PKNOX2: variants seen among roughly 807,000 people sequenced by gnomAD.
PKNOX2 encodes the protein PBX/knotted 1 homeobox 2, also known as homeobox protein PKNOX2.
Under a neutral mutation model 53.1 loss-of-function variants are expected in PKNOX2, and 14 were observed. The observed-to-expected ratio is 0.26, with a 90% CI of 0.17 to 0.41. The LOEUF (loss-of-function observed/expected upper bound fraction) is 0.41, where lower values mean the gene tolerates loss of function less well. Among genes scored for constraint, PKNOX2 ranks in the 10% least tolerant of loss-of-function variants. The probability of loss-of-function intolerance (pLI) is 1.00; values close to 1 mark genes in which losing one functional copy is unlikely to be tolerated. For missense variants in PKNOX2, 496 were observed against 602.8 expected (o/e 0.82, Z 1.85); for synonymous variants, 257 against 242.8 (o/e 1.06, Z -0.54).
chr11:125,310,955 AT>A (rs1005369001), intron 2 of PKNOX2, among the ~76,000 whole-genome samples: 184 of 151,526 alleles, frequency 1.2e-3, no homozygotes, highest in Non-Finnish European at 1.7e-3. Flanking sequence ...TCAATCCCTA[AT>A]TTTTTTTTCT....
rs370580799 is a variant in PKNOX2, at chr11:125,422,127, G to A, written c.937-6885G>A. 3.3e-4 allele frequency among the ~76,000 whole-genome samples: 50 copies of A among 152,222 alleles called. No individual in the cohort carries two copies. The highest frequency in any genetic ancestry group is 5.2e-4 in the Admixed American group (8 of 15,292). On this transcript the variant is annotated intron_variant, in intron 10 of 12. Transcript: ENST00000298282. This position sits in a 1 kb window ranked among gnomAD's most constrained non-coding sequence, Gnocchi z 4.1. The stretch of plus-strand genomic sequence containing the variant: ...ATAATCATCAATGCCCCTATGATTC[G>A]TATTGGCCACAGGGAGTGACCCCTC...
At chr11:125,271,660 C>T (rs1052920700) in intron 2 of PKNOX2, among the ~76,000 whole-genome samples, 3 of 152,062 alleles carry the variant, frequency 2.0e-5, no homozygotes, top group Non-Finnish European at 4.4e-5. Flanking sequence ...CAATGTGTGT[C>T]CTGTCATGAA....
intron 4 of PKNOX2, among the ~76,000 whole-genome samples, chr11:125,356,081 CA>C (rs1272584902): frequency 6.7e-6 from 1 of 148,978 alleles, no homozygotes; most frequent in Non-Finnish European, 1.5e-5. Flanking sequence ...TACTGTTCCA[CA>C]AATATCTTTG....
At position 125,364,712 on chromosome 11, in the gene PKNOX2, C is replaced by T. The variant is rs1952094825; in HGVS notation, c.88-3134C>T. Among the ~76,000 whole-genome samples, 3 of 152,230 alleles carry T rather than the reference C, an allele frequency of 2.0e-5. No individual in the cohort carries two copies. The South Asian group carries it at 6.2e-4, about 32-fold the overall frequency. The stretch of plus-strand genomic sequence containing the variant: ...TCGTGTTTAATAATAACAACCTCTC[C>T]TCCATCTGTGAAGCGCTCTAGAGTT... On this transcript the variant is annotated intron_variant, in intron 4 of 12. Transcript: ENST00000298282.
chr11:125,206,655 C>T (rs1939153361), intron 1 of PKNOX2, among the ~76,000 whole-genome samples: 3 of 152,042 alleles, frequency 2.0e-5, no homozygotes, highest in Admixed American at 2.0e-4. Context: ...TCTCTTGGTG[C>T]CTCAATTTCC....
At chr11:125,295,606 G>A (rs985814111) in intron 2 of PKNOX2, among the ~76,000 whole-genome samples, 1 of 152,234 alleles carries the variant, frequency 6.6e-6, no homozygotes, top group African/African-American at 2.4e-5. Context: ...AAGCAGCAAG[G>A]AAGCTTGGGG....
chr11:125,375,013 G>C (rs891876067), intron 5 of PKNOX2, among the ~76,000 whole-genome samples: 1 of 152,142 alleles, frequency 6.6e-6, no homozygotes, highest in South Asian at 2.1e-4. Context: ...GCTTCTCACC[G>C]GGCCTGAGCT....
intron 5 of PKNOX2, among the ~76,000 whole-genome samples, chr11:125,384,699 G>A (rs2135374078): frequency 6.6e-6 from 1 of 152,096 alleles, no homozygotes; most frequent in East Asian, 1.9e-4. Flanking sequence ...AAAACAAAAA[G>A]ATCCATAGAG....
rs145572732 is a variant in PKNOX2 at position 125,199,528 on chromosome 11, G to C, written c.-201+34752G>C. ...TATTTCACTCTCCCAGGTCAGCAAT[G>C]TGGGCTCCTGGGTTGCTTAAGATTT... On this transcript the variant is annotated intron_variant, in intron 1 of 12. Transcript: ENST00000298282. 2.2e-3 allele frequency among the ~76,000 whole-genome samples: 332 copies of C among 152,330 alleles called. 1 individual carries two copies. Among genetic ancestry groups the C allele is most frequent in the Non-Finnish European group, 3.9e-3 (264 of 68,024 alleles).
At chr11:125,405,190 G>A (rs1156266962) in intron 7 of PKNOX2, among the ~76,000 whole-genome samples, 1 of 152,240 alleles carries the variant, frequency 6.6e-6, no homozygotes, top group East Asian at 1.9e-4. Flanking sequence ...TCAGCTGGAA[G>A]GATCTTTGCC....
At chr11:125,418,111 A>G (rs757100190) in intron 10 of PKNOX2, among the ~76,000 whole-genome samples, 2 of 151,986 alleles carry the variant, frequency 1.3e-5, no homozygotes, top group Non-Finnish European at 2.9e-5. Flanking sequence ...GAATATTTTC[A>G]TCACCCCAAA....
chr11:125,222,623 A>G (rs12797047), intron 1 of PKNOX2, among the ~76,000 whole-genome samples: 26 of 125,996 alleles, frequency 2.1e-4, no homozygotes, highest in Admixed American at 5.4e-4. Flanking sequence ...ATGTGTGTGT[A>G]TGTGTGTGTG....
At chr11:125,273,086 C>T (rs573716503) in intron 2 of PKNOX2, among the ~76,000 whole-genome samples, 1 of 152,256 alleles carries the variant, frequency 6.6e-6, no homozygotes, top group African/African-American at 2.4e-5. Context: ...GGTGAGAGGC[C>T]GCTTGTCAGG....
At chr11:125,376,030 C>A (rs1245171498) in intron 5 of PKNOX2, among the ~76,000 whole-genome samples, 1 of 152,186 alleles carries the variant, frequency 6.6e-6, no homozygotes, top group Non-Finnish European at 1.5e-5. Flanking sequence ...TTTGCCCTCG[C>A]AGAGCAGTTT....
At chr11:125,420,347 G>A (rs1461054045) in intron 10 of PKNOX2, among the ~76,000 whole-genome samples, 2 of 151,498 alleles carry the variant, frequency 1.3e-5, no homozygotes, top group African/African-American at 4.9e-5. Context: ...CTAACACGGT[G>A]AAACCCCACT....
At chr11:125,409,184 T>C (rs546739884) in intron 7 of PKNOX2, among the ~76,000 whole-genome samples, 1 of 152,240 alleles carries the variant, frequency 6.6e-6, no homozygotes, top group African/African-American at 2.4e-5. Flanking sequence ...CACATCCTAT[T>C]CCTTCCTCAC....
chr11:125,247,973 C>T (rs902439461), intron 2 of PKNOX2, among the ~76,000 whole-genome samples: 1 of 152,164 alleles, frequency 6.6e-6, no homozygotes, highest in African/African-American at 2.4e-5. Context: ...GCAATTTCTT[C>T]CTCCCAGAGC....
At chr11:125,313,936 G>A (rs1294997402) in intron 2 of PKNOX2, among the ~76,000 whole-genome samples, 1 of 152,212 alleles carries the variant, frequency 6.6e-6, no homozygotes, top group Non-Finnish European at 1.5e-5. Context: ...TACCGCACAG[G>A]ATGGAGTGCA....
At chr11:125,314,613 G>A (rs1949041955) in intron 2 of PKNOX2, among the ~76,000 whole-genome samples, 1 of 152,124 alleles carries the variant, frequency 6.6e-6, no homozygotes, top group Admixed American at 6.5e-5. Flanking sequence ...CCGAGAGCCG[G>A]GCTAGATGCC....
Sources: allele counts gnomAD v4.1 joint callset (sites outside exome capture counted in the v4.1 genomes callset), GRCh38; gene constraint gnomAD v4.1.1; non-coding constraint Gnocchi (gnomAD v3.1); transcripts MANE v1.5; gene names NCBI Gene and HGNC (gene_info 2026-07-23, HGNC 2026-07-21).